FBH1: variants seen among roughly 807,000 people sequenced by gnomAD.
The protein encoded by FBH1 is DNA 3'-5' helicase 1.
A neutral mutation model predicts 115.5 loss-of-function variants in FBH1; 43 were observed. The observed-to-expected ratio is 0.37, with a 90% confidence interval of 0.29 to 0.48. The LOEUF is 0.48. Ranked by LOEUF, FBH1 falls within the 20% of genes least tolerant of loss-of-function variation. The probability of loss-of-function intolerance (pLI) is 0.99; values close to 1 mark genes in which losing one functional copy is unlikely to be tolerated. For synonymous variants in FBH1, 524 were observed against 507.8 expected, an observed-to-expected ratio of 1.03 and a Z score of -0.43; for missense variants, 1,001 against 1,337.3, an observed-to-expected ratio of 0.75 and a Z score of 3.92.
chr10:5,901,513 A>G (rs576812851), intron 1 of FBH1, among the ~76,000 whole-genome samples: 1 of 147,708 alleles, frequency 6.8e-6, no homozygotes, highest in South Asian at 2.2e-4. Flanking sequence ...ACCTGATTTT[A>G]TTCTCTTTTG....
In FBH1 at chr10:5,906,819, C is replaced by T. The variant is rs1041884617; in HGVS notation, c.753+187C>T. On this transcript the variant is annotated intron_variant, in intron 3 of 20. Transcript: ENST00000362091. This position sits in a 1 kb window ranked among gnomAD's most constrained non-coding sequence, Gnocchi z 7.3. Reference sequence around the variant, plus strand: ...CCTATGACTCTAGCCTCTTTGTTCACTTCCACTCAACACAGCTTCCCTGAG... The same window carrying T: ...CCTATGACTCTAGCCTCTTTGTTCATTTCCACTCAACACAGCTTCCCTGAG... Among the ~76,000 whole-genome samples the T allele has an allele frequency of 6.6e-6, 1 of 152,210 alleles. No individual in the cohort carries two copies. The highest frequency in any genetic ancestry group is 2.4e-5 in the African/African-American group (1 of 41,464).
In FBH1 at chr10:5,911,783, A is replaced by G. The variant is rs1440746964; in HGVS notation, c.1211+655A>G. Among the ~76,000 whole-genome samples, 1 of 152,154 alleles carries G rather than the reference A, an allele frequency of 6.6e-6. No individual in the cohort carries two copies. On this transcript the variant is annotated intron_variant, in intron 6 of 20. Coordinates refer to ENST00000362091, the MANE Select transcript of FBH1 (RefSeq NM_178150.3). The surrounding 1 kb of genome is among the most constrained non-coding windows in gnomAD (Gnocchi z 5.4). The stretch of plus-strand genomic sequence containing the variant: ...AGTGAGTAATGAGCATTGCAGAGAA[A>G]ATAGAACAGAGAGCTGTGGGGTGAA...
At chr10:5,893,486 CCT>C (rs1266976623) in intron 1 of FBH1, among the ~76,000 whole-genome samples, 1 of 152,178 alleles carries the variant, frequency 6.6e-6, no homozygotes, top group Non-Finnish European at 1.5e-5. Flanking sequence ...CATCAGGGAA[CCT>C]CTTGTTTTGA....
At chr10:5,894,027 G>A (rs995125819) in intron 1 of FBH1, 20 of 985,184 alleles carry the variant, frequency 2.0e-5, no homozygotes, top group Admixed American at 6.2e-5. Flanking sequence ...TGTCATACAC[G>A]AGTGCTGTCT....
chr10:5,917,592 T>C lies in FBH1; in HGVS notation c.1879T>C (p.Tyr627His). The change falls in exon 12 of 21, where the codon TAC (tyrosine) becomes CAC (histidine). Residue 627 changes from tyrosine to histidine, a missense_variant and splice_region_variant. Around this residue, in one of 4 missense-constraint regions of FBH1, gnomAD observed 521 missense variants for 811.0 expected, o/e 0.64. Coordinates refer to ENST00000362091, the MANE Select transcript of FBH1 (RefSeq NM_178150.3). This position sits in a 1 kb window ranked among gnomAD's most constrained non-coding sequence, Gnocchi z 5.6. ...EEAHQMTHDG[Y>H]LKLWQLSKPS... ...TCCTGCGTCTCTCCTTATTTTAGGC[T>C]ACTTGAAACTCTGGCAGCTGAGCAA... is the stretch of plus-strand genomic sequence containing the variant. 6.2e-7 allele frequency: 1 copy of C among 1,614,168 alleles called. No individual in the cohort carries two copies. Among genetic ancestry groups the C allele is most frequent in the Non-Finnish European group, 8.5e-7 (1 of 1,180,010 alleles).
chr10:5,926,502 C>T (rs916029216), intron 18 of FBH1, among the ~76,000 whole-genome samples: 1 of 152,170 alleles, frequency 6.6e-6, no homozygotes. Flanking sequence ...GGTTTTAAAT[C>T]TTAGAATAAA....
intron 20 of FBH1, 57 bp from the exon 21 acceptor site, chr10:5,937,053 G>GA: frequency 6.6e-7 from 1 of 1,507,546 alleles, no homozygotes; most frequent in Non-Finnish European, 8.9e-7. Flanking sequence ...CTTTTTGCTG[G>GA]AAAATCCATG....
Position 5,915,935 on chromosome 10 carries a change from T to G in FBH1, c.1566-299T>G. 2 of 472,730 alleles carry G rather than the reference T, an allele frequency of 4.2e-6. No homozygotes were observed. The highest frequency in any genetic ancestry group is 3.8e-6 in the Non-Finnish European group (1 of 261,558). The allele number at this position is 472,730 out of a possible 1,614,324, so 29.3% of individuals were successfully genotyped here. ...GCACACTTGACCCAGGTCTCCTGGA[T>G]GTAGAGGCATCAGGGAACTCCAAGG... On this transcript the variant is annotated intron_variant, in intron 9 of 20. Coordinates refer to ENST00000362091, the MANE Select transcript of FBH1 (RefSeq NM_178150.3). This position sits in a 1 kb window ranked among gnomAD's most constrained non-coding sequence, Gnocchi z 5.2.
At chr10:5,894,485 C>A in intron 1 of FBH1, 2 of 1,166,572 alleles carry the variant, frequency 1.7e-6, no homozygotes, top group Non-Finnish European at 2.6e-6. Flanking sequence ...TTGGCACCAT[C>A]ACTCATGAGC....
chr10:5,935,312 C>T lies in FBH1; in HGVS notation c.2830-1144C>T, dbSNP rs12774228. 0.28 allele frequency: 43,187 copies of T among 152,080 alleles called. 6,698 individuals carry two copies. The highest frequency in any genetic ancestry group is 0.35 in the Middle Eastern group (102 of 294). The allele number at this position is 152,080 out of a possible 1,614,324, so 9.4% of individuals were successfully genotyped here. A position where few individuals can be genotyped will look rare whatever the true frequency, so the allele number is the denominator to read the frequency against. Reference sequence around the variant, plus strand: ...AATGGGTAAATGAAATACAAGAGAGCGCTGTGACTGAGTCCTCTACAGCAT... The same window carrying T: ...AATGGGTAAATGAAATACAAGAGAGTGCTGTGACTGAGTCCTCTACAGCAT... On this transcript the variant is annotated intron_variant, in intron 19 of 20. Transcript: ENST00000362091. The surrounding 1 kb of genome is among the most constrained non-coding windows in gnomAD (Gnocchi z 5.2).
At position 5,925,837 on chromosome 10, in the gene FBH1, C is replaced by T. The variant is rs1832615644; in HGVS notation, c.2722+345C>T. Among the ~76,000 whole-genome samples the T allele has an allele frequency of 6.6e-6, 1 of 152,136 alleles. No individual in the cohort carries two copies. The highest frequency in any genetic ancestry group is 2.4e-5 in the African/African-American group (1 of 41,430). On this transcript the variant is annotated intron_variant, in intron 18 of 20. Coordinates refer to ENST00000362091, the MANE Select transcript of FBH1 (RefSeq NM_178150.3). The surrounding 1 kb of genome is among the most constrained non-coding windows in gnomAD (Gnocchi z 4.6). ...AAAGCTTTAAAATATAGTTTACTTG[C>T]TTACCATGGCATTTTTTTCCTTTCA... is the stretch of plus-strand genomic sequence containing the variant.
At position 5,906,851 on chromosome 10, in the gene FBH1, C is replaced by G. The variant is rs1843724020; in HGVS notation, c.753+219C>G. 6.6e-6 allele frequency among the ~76,000 whole-genome samples: 1 copy of G among 152,194 alleles called. No individual in the cohort carries two copies. The highest frequency in any genetic ancestry group is 2.1e-4 in the South Asian group (1 of 4,834). ...TCAACACAGCTTCCCTGAGTTCTGT[C>G]TACAGCTCATCTGCTGTGCCCTGAC... On this transcript the variant is annotated intron_variant, in intron 3 of 20. Transcript: ENST00000362091. This position sits in a 1 kb window ranked among gnomAD's most constrained non-coding sequence, Gnocchi z 7.3.
rs1025311771 is a variant in FBH1, at chr10:5,902,882, G to A, written c.2-138G>A. On this transcript the variant is annotated intron_variant, in intron 1 of 20. Coordinates refer to ENST00000362091, the MANE Select transcript of FBH1 (RefSeq NM_178150.3). ...GAAAGGACAAAGTTGGGGGGCAAGG[G>A]GAGGGGGGAACGGTTGGCTGGGGTG... The A allele has an allele frequency of 1.3e-4, 82 of 655,068 alleles. 2 individuals are homozygous for A. In the South Asian group the frequency reaches 2.4e-3, roughly 19 times the overall value. 40.6% of individuals were successfully genotyped at this position (655,068 alleles called of 1,614,324 possible). A position where few individuals can be genotyped will look rare whatever the true frequency, so the allele number is the denominator to read the frequency against.
chr10:5,909,112 T>C lies in FBH1; in HGVS notation c.885-47T>C. ...CTTTGAAGTCTTCCTTGTACATCAG[T>C]GCTTATGGTCACCCTACTCATGGCC... On this transcript the variant is annotated intron_variant, in intron 4 of 20. Coordinates refer to ENST00000362091, the MANE Select transcript of FBH1 (RefSeq NM_178150.3). The surrounding 1 kb of genome is among the most constrained non-coding windows in gnomAD (Gnocchi z 4.4). 1.9e-6 allele frequency: 3 copies of C among 1,613,526 alleles called. No homozygotes were observed. The highest frequency in any genetic ancestry group is 1.7e-6 in the Non-Finnish European group (2 of 1,179,808).
In FBH1 at chr10:5,918,474, C is replaced by T. The variant is rs1832111365; in HGVS notation, c.2096C>T (p.Thr699Met). Residue 699 changes from threonine (T) to methionine (M), a missense_variant, in exon 13 of 21, where the codon ACG (threonine) becomes ATG (methionine). This residue lies in a region of FBH1 where 521 missense variants were observed against 811.0 expected (regional missense o/e 0.64). Transcript: ENST00000362091. The surrounding 1 kb of genome is among the most constrained non-coding windows in gnomAD (Gnocchi z 4.0). ...TVPHTHVFYL[T>M]QSFRFGVEIA... Reference sequence around the variant, plus strand: ...CCCCACACCCACGTCTTCTATCTCACGCAGGTAAGTGCGCACTCTGCATGG... The same window carrying T: ...CCCCACACCCACGTCTTCTATCTCATGCAGGTAAGTGCGCACTCTGCATGG... 2.5e-6 allele frequency: 4 copies of T among 1,598,852 alleles called. No homozygotes were observed. Among genetic ancestry groups the T allele is most frequent in the East Asian group, 2.2e-5 (1 of 44,498 alleles).
At chr10:5,892,208 T>G (rs1450243590) in intron 1 of FBH1, among the ~76,000 whole-genome samples, 1 of 152,182 alleles carries the variant, frequency 6.6e-6, no homozygotes, top group Non-Finnish European at 1.5e-5. Context: ...TGGTCTGGCC[T>G]TTACAGTCAC....
Position 5,936,937 on chromosome 10 carries a change from C to T in FBH1, c.2962-173C>T. On this transcript the variant is annotated intron_variant, in intron 20 of 20. Transcript: ENST00000362091. This position sits in a 1 kb window ranked among gnomAD's most constrained non-coding sequence, Gnocchi z 5.6. Reference sequence around the variant, plus strand: ...GGGAATTTGGGGGTGTTGAGGCCACCTAGTTGGTGGTGCTGTGGGAGGTGT... The same window carrying T: ...GGGAATTTGGGGGTGTTGAGGCCACTTAGTTGGTGGTGCTGTGGGAGGTGT... 1 of 705,552 alleles carries T rather than the reference C, an allele frequency of 1.4e-6. No individual in the cohort carries two copies. Among genetic ancestry groups the T allele is most frequent in the Non-Finnish European group, 2.3e-6 (1 of 432,336 alleles). 43.7% of individuals were successfully genotyped at this position (705,552 alleles called of 1,614,324 possible).
intron 1 of FBH1, among the ~76,000 whole-genome samples, 190 bp from the exon 2 acceptor site, chr10:5,902,830 T>G (rs1235947635): frequency 6.7e-6 from 1 of 150,220 alleles, no homozygotes; most frequent in East Asian, 2.0e-4. Context: ...ATTCTTCAAT[T>G]CTAAGGAAGA....
At position 5,918,992 on chromosome 10, in the gene FBH1, T is replaced by C. The variant is rs1247968158; in HGVS notation, c.2100+514T>C. Among the ~76,000 whole-genome samples, 1 of 152,186 alleles carries C rather than the reference T, an allele frequency of 6.6e-6. No individual in the cohort carries two copies. The highest frequency in any genetic ancestry group is 1.5e-5 in the Non-Finnish European group (1 of 68,034). ...TTTCCAATCACATGTCTGTGTGAGGTTGAATTTTCTTCATGTGTGTCAGCC... is the reference window on the plus strand; with the variant it reads ...TTTCCAATCACATGTCTGTGTGAGGCTGAATTTTCTTCATGTGTGTCAGCC... On this transcript the variant is annotated intron_variant, in intron 13 of 20. Coordinates refer to ENST00000362091, the MANE Select transcript of FBH1 (RefSeq NM_178150.3). This position sits in a 1 kb window ranked among gnomAD's most constrained non-coding sequence, Gnocchi z 4.0.
Sources: allele counts gnomAD v4.1 joint callset (sites outside exome capture counted in the v4.1 genomes callset), GRCh38; gene constraint gnomAD v4.1.1; regional missense constraint gnomAD v4.1.1; non-coding constraint Gnocchi (gnomAD v3.1); transcripts MANE v1.5; gene names NCBI Gene and HGNC (gene_info 2026-07-23, HGNC 2026-07-21).